MPHOSPH9: variants seen among roughly 807,000 people sequenced by gnomAD.
MPHOSPH9 encodes the protein M-phase phosphoprotein 9.
Under a neutral mutation model 145.5 loss-of-function variants are expected in MPHOSPH9, and 88 were observed. The observed-to-expected ratio is 0.60, with a 90% confidence interval of 0.51 to 0.72. The LOEUF is 0.72. Among genes scored for constraint, MPHOSPH9 ranks in the 30% least tolerant of loss-of-function variants. The probability of loss-of-function intolerance (pLI) is 0.00; values close to 1 mark genes in which losing one functional copy is unlikely to be tolerated. For synonymous variants in MPHOSPH9, 435 were observed against 486.2 expected (o/e 0.89, Z 1.39); for missense variants, 1,238 against 1,386.6 (o/e 0.89, Z 1.70).
chr12:123,175,328 AT>A (rs369762346), intron 16 of MPHOSPH9, among the ~76,000 whole-genome samples: 9 of 151,434 alleles, frequency 5.9e-5, no homozygotes, highest in East Asian at 1.9e-4. Flanking sequence ...TTTTTTTTGT[AT>A]TTTTTAGTAG....
rs2043819684 is a variant in MPHOSPH9 at position 123,154,216 on chromosome 12, T to G, written c.*2591A>C. ...CAGAGGTGGCAGATTTGCTTAGGGT[T>G]TTTTTTTTTTTTTTCTTTTTAAACT... On this transcript the variant is annotated 3_prime_UTR_variant, in exon 24 of 24. Transcript: ENST00000606320. 4.7e-5 allele frequency: 4 copies of G among 85,458 alleles called. No homozygotes were observed. In the African/African-American group the frequency reaches 1.7e-3, roughly 36 times the overall value. The allele number at this position is 85,458 out of a possible 1,614,324, so 5.3% of individuals were successfully genotyped here.
chr12:123,234,185 C>T (rs761515563), upstream of MPHOSPH9, among the ~76,000 whole-genome samples: 39 of 152,158 alleles, frequency 2.6e-4, no homozygotes, highest in Admixed American at 5.2e-4. Context: ...CATTCTTCAG[C>T]ATAGTTAACC....
intron 16 of MPHOSPH9, among the ~76,000 whole-genome samples, chr12:123,169,703 C>T (rs534416256): frequency 6.7e-6 from 1 of 150,300 alleles, no homozygotes; most frequent in Non-Finnish European, 1.5e-5. Flanking sequence ...CAGGTTCAAG[C>T]AATTCTCCTG....
At chr12:123,235,060 C>T (rs893442305), upstream of MPHOSPH9, among the ~76,000 whole-genome samples, 1 of 152,204 alleles carries the variant, frequency 6.6e-6, no homozygotes. Context: ...AGTTCCCAGA[C>T]TGGGTTTGTG....
chr12:123,164,142 C>A (rs773538332), intron 18 of MPHOSPH9, 52 bp from the exon 19 acceptor site: 3 of 1,607,520 alleles, frequency 1.9e-6, no homozygotes, highest in Non-Finnish European at 2.6e-6. Flanking sequence ...AACAAGCCTA[C>A]GCTTCAGTTA....
chr12:123,196,306 C>T (rs1437614763), intron 12 of MPHOSPH9, among the ~76,000 whole-genome samples: 1 of 151,866 alleles, frequency 6.6e-6, no homozygotes, highest in African/African-American at 2.4e-5. Flanking sequence ...GCCAAGATCG[C>T]ACCATTGCAC....
intron 13 of MPHOSPH9, among the ~76,000 whole-genome samples, chr12:123,191,677 T>C (rs1168243136): frequency 2.6e-5 from 4 of 152,174 alleles, no homozygotes; most frequent in African/African-American, 7.2e-5. Context: ...ATTCTAGGAC[T>C]GGAGCTTGGA....
intron 1 of MPHOSPH9, among the ~76,000 whole-genome samples, chr12:123,242,487 G>T (rs2047956051): frequency 6.6e-6 from 1 of 151,878 alleles, no homozygotes; most frequent in Admixed American, 6.6e-5. Flanking sequence ...GTATTTTTTT[G>T]GCCTTTGGGG....
chr12:123,162,843 C>CA, intron 20 of MPHOSPH9, 171 bp downstream of exon 20: 1 of 564,796 alleles, frequency 1.8e-6, no homozygotes, highest in Non-Finnish European at 2.8e-6. Context: ...AAACTGTGTT[C>CA]ATTGTACTGC....
Position 123,163,942 on chromosome 12 carries a change from ACT to A in MPHOSPH9, c.2908+6_2908+7del, listed in dbSNP as rs1428276246. The A allele has an allele frequency of 6.2e-7, 1 of 1,614,032 alleles. No homozygotes were observed. Among genetic ancestry groups the A allele is most frequent in the Non-Finnish European group, 8.5e-7 (1 of 1,179,968 alleles). On this transcript the variant is annotated splice_donor_region_variant and intron_variant, in intron 19 of 23. Transcript: ENST00000606320. ...TGAACCCAAGAGATGTACACATCTA[ACT>A]CTTACTTGGAGTACTTGATTTACGA...
rs1294636402 is a variant in MPHOSPH9, at chr12:123,217,038, T to C, written c.996+1338A>G. 2.0e-5 allele frequency among the ~76,000 whole-genome samples: 3 copies of C among 151,828 alleles called. No homozygotes were observed. The East Asian group carries it at 5.8e-4, about 29-fold the overall frequency. ...AAATAAATAAAAGAAATGTTTAAAA[T>C]CTTAATTATCTGAAACTCAAATTTA... On this transcript the variant is annotated intron_variant, in intron 6 of 23. Coordinates refer to ENST00000606320, the MANE Select transcript of MPHOSPH9 (RefSeq NM_022782.4).
chr12:123,221,971 C>T, intron 4 of MPHOSPH9, 76 bp from the exon 5 acceptor site: 5 of 785,268 alleles, frequency 6.4e-6, no homozygotes, highest in Non-Finnish European at 9.8e-6. Flanking sequence ...ACAAGAATAT[C>T]ATGTTTCAAA....
chr12:123,195,048 A>G (rs1358572492), intron 12 of MPHOSPH9, among the ~76,000 whole-genome samples: 2 of 152,220 alleles, frequency 1.3e-5, no homozygotes, highest in Admixed American at 1.3e-4. Context: ...TGGGATGGAG[A>G]GTCCAGAAAG....
intron 1 of MPHOSPH9, among the ~76,000 whole-genome samples, chr12:123,238,338 T>C (rs1419048640): frequency 6.6e-6 from 1 of 152,206 alleles, no homozygotes; most frequent in African/African-American, 2.4e-5. Flanking sequence ...TTAAGCTCAA[T>C]GTTGTTTGGC....
chr12:123,160,870 T>C (rs764089948), intron 22 of MPHOSPH9, 21 bp from the exon 23 acceptor site: 1 of 1,610,486 alleles, frequency 6.2e-7, no homozygotes, highest in Non-Finnish European at 8.5e-7. Flanking sequence ...ACGAAAAAAA[T>C]ATGTTTAAAT....
chr12:123,202,330 G>A lies in MPHOSPH9; in HGVS notation c.1782-11C>T, dbSNP rs1436238485. 4 of 1,575,088 alleles carry A rather than the reference G, an allele frequency of 2.5e-6. No individual in the cohort carries two copies. Among genetic ancestry groups the A allele is most frequent in the African/African-American group, 1.4e-5 (1 of 72,902 alleles). On this transcript the variant is annotated splice_polypyrimidine_tract_variant and intron_variant, in intron 10 of 23. Coordinates refer to ENST00000606320, the MANE Select transcript of MPHOSPH9 (RefSeq NM_022782.4). ...AGATTCTGCCTAATCCTTATTCAGT[G>A]AGAATAAAAAATATATATTAGGAAA...
intron 7 of MPHOSPH9, among the ~76,000 whole-genome samples, chr12:123,210,813 GAC>G (rs978001640): frequency 6.6e-6 from 1 of 151,840 alleles, no homozygotes; most frequent in African/African-American, 2.4e-5. Context: ...CTTTTTTTGA[GAC>G]AGAGTCTCGC....
chr12:123,219,179 A>G (rs1300437766), intron 5 of MPHOSPH9, among the ~76,000 whole-genome samples: 2 of 152,032 alleles, frequency 1.3e-5, no homozygotes, highest in East Asian at 3.9e-4. Context: ...TGCTGGGATT[A>G]CAAGTGTGAG....
upstream of MPHOSPH9, among the ~76,000 whole-genome samples, chr12:123,238,166 TAC>T (rs2047880287): frequency 6.6e-6 from 1 of 152,124 alleles, no homozygotes; most frequent in Non-Finnish European, 1.5e-5. Flanking sequence ...GTGCTAGGAT[TAC>T]AGTCATGAGC....
Sources: gnomAD v4.1 joint callset for allele counts (sites outside exome capture counted in the v4.1 genomes callset) on GRCh38, gnomAD v4.1.1 for gene constraint, MANE v1.5 for transcripts, NCBI Gene and HGNC (gene_info 2026-07-23, HGNC 2026-07-21) for gene names.